The following ZFHX3 variants were observed in gnomAD, a reference collection of about 807,000 sequenced individuals.
ZFHX3 encodes zinc finger homeobox 3, also known as zinc finger homeobox protein 3.
A neutral mutation model predicts 279.1 loss-of-function variants in ZFHX3; 42 were observed. The ratio of observed to expected loss-of-function variants is 0.15; its 90% CI spans 0.12 to 0.19. ZFHX3 has a LOEUF of 0.19. ZFHX3 is among the 10% of genes least tolerant of loss of function. The pLI is 1.00. For missense variants in ZFHX3, 4,981 were observed against 4,754.0 expected (o/e 1.05, Z -1.40); for synonymous variants, 2,293 against 1,957.8 (o/e 1.17, Z -4.52).
chr16:73,729,313 G>A (rs907221040), intron 1 of ZFHX3, among the ~76,000 whole-genome samples: 1 of 152,196 alleles, frequency 6.6e-6, no homozygotes, highest in African/African-American at 2.4e-5. Flanking sequence ...GATCATTTGA[G>A]GTAAGGAGTT....
At chr16:73,108,210 C>T (rs1185952425) in intron 7 of ZFHX3, among the ~76,000 whole-genome samples, 3 of 151,708 alleles carry the variant, frequency 2.0e-5, no homozygotes, top group Non-Finnish European at 2.9e-5. Flanking sequence ...GGTGTGCCCC[C>T]GTGGTCCCAG....
intron 3 of ZFHX3, among the ~76,000 whole-genome samples, chr16:73,351,663 T>C (rs1174629136): frequency 3.3e-5 from 5 of 152,230 alleles, no homozygotes; most frequent in Admixed American, 2.6e-4. Context: ...GATAGGTGAA[T>C]TCAATTTAAG....
chr16:72,898,785 C>T (rs1238719066), intron 3 of ZFHX3, among the ~76,000 whole-genome samples: 2 of 151,206 alleles, frequency 1.3e-5, no homozygotes, highest in African/African-American at 4.9e-5. Context: ...GTGCTTCGCC[C>T]ATAGTAAATG....
chr16:73,703,980 T>G (rs1022420426), intron 1 of ZFHX3, among the ~76,000 whole-genome samples: 6 of 152,190 alleles, frequency 3.9e-5, no homozygotes, highest in African/African-American at 1.4e-4. Flanking sequence ...TACTTCAAAT[T>G]ACTTAGCAGT....
chr16:73,324,158 C>T lies in ZFHX3; in HGVS notation c.-1290-5822G>A, dbSNP rs8182141. On this transcript the variant is annotated intron_variant, in intron 3 of 17. Coordinates refer to the ZFHX3 transcript ENST00000641206. ...AGTGGACCACATGGAGAGGAATGGA[C>T]TCATATTCACAGTTGCAACTGAGTC... Among the ~76,000 whole-genome samples the T allele has an allele frequency of 2.4e-4, 37 of 152,322 alleles. No individual in the cohort carries two copies. In the East Asian group the frequency reaches 3.9e-3, roughly 16 times the overall value.
At chr16:73,636,763 GATAA>G (rs1414172219) in intron 2 of ZFHX3, among the ~76,000 whole-genome samples, 2 of 152,070 alleles carry the variant, frequency 1.3e-5, no homozygotes, top group African/African-American at 2.4e-5. Context: ...GGTTTAAAAA[GATAA>G]ATAGACAAAG....
chr16:73,714,615 GTT>G (rs749494857), intron 1 of ZFHX3, among the ~76,000 whole-genome samples: 7 of 152,314 alleles, frequency 4.6e-5, no homozygotes, highest in South Asian at 4.1e-4. Flanking sequence ...GCACGTGTGT[GTT>G]AACATTTCAA....
At chr16:72,868,144 G>C (rs1459861302) in intron 4 of ZFHX3, among the ~76,000 whole-genome samples, 1 of 152,200 alleles carries the variant, frequency 6.6e-6, no homozygotes, top group Non-Finnish European at 1.5e-5. Flanking sequence ...AGATACATAA[G>C]TAATACATAA....
intron 7 of ZFHX3, among the ~76,000 whole-genome samples, chr16:73,107,137 G>A (rs572529824): frequency 6.6e-6 from 1 of 152,034 alleles, no homozygotes; most frequent in East Asian, 1.9e-4. Flanking sequence ...GCGAAATGCT[G>A]TCTCTACTAA....
Position 72,950,507 on chromosome 16 carries a change from C to A in ZFHX3, c.3178G>T (p.Val1060Phe), listed in dbSNP as rs1253241198. 44 of 1,614,100 alleles carry A rather than the reference C, an allele frequency of 2.7e-5. No homozygotes were observed. Among genetic ancestry groups the A allele is most frequent in the Non-Finnish European group, 3.6e-5 (43 of 1,180,034 alleles). Residue 1060 changes from valine (V) to phenylalanine (F), a missense_variant, in exon 3 of 10, where the codon GTC (valine) becomes TTC (phenylalanine). Transcript: ENST00000268489. ...NSLEKLRLHT[V>F]NSRHEASLKL... ...AGGCTGGCCTCGTGCCTGGAGTTGA[C>A]CGTGTGCAGCCGCAGCTTCTCCAGG...
At chr16:72,947,777 G>C (rs1960772431) in intron 3 of ZFHX3, among the ~76,000 whole-genome samples, 1 of 152,132 alleles carries the variant, frequency 6.6e-6, no homozygotes, top group Non-Finnish European at 1.5e-5. Flanking sequence ...CGGGTCAGCT[G>C]CATCTGGAGC....
intron 3 of ZFHX3, among the ~76,000 whole-genome samples, chr16:72,940,901 T>C (rs1049142354): frequency 2.0e-5 from 3 of 152,274 alleles, no homozygotes; most frequent in South Asian, 2.1e-4. Context: ...TCATTCTTGA[T>C]GATTAGTCCC....
chr16:73,429,123 T>C (rs1037227694), intron 3 of ZFHX3, among the ~76,000 whole-genome samples: 2 of 152,140 alleles, frequency 1.3e-5, no homozygotes, highest in Non-Finnish European at 2.9e-5. Context: ...TTTTCATCTT[T>C]TGTCAATTTT....
intron 5 of ZFHX3, among the ~76,000 whole-genome samples, chr16:73,221,028 A>G (rs2012400952): frequency 6.6e-6 from 1 of 152,158 alleles, no homozygotes; most frequent in South Asian, 2.1e-4. Context: ...AAAGGAATCC[A>G]AAGATTGATC....
intron 3 of ZFHX3, among the ~76,000 whole-genome samples, chr16:72,944,979 A>G (rs1285886843): frequency 6.6e-6 from 1 of 152,198 alleles, no homozygotes; most frequent in Non-Finnish European, 1.5e-5. Context: ...GGCACAACTA[A>G]TAAGATTTCA....
chr16:73,331,826 T>C (rs917984186), intron 3 of ZFHX3, among the ~76,000 whole-genome samples: 42 of 152,290 alleles, frequency 2.8e-4, no homozygotes, highest in Middle Eastern at 3.4e-3. Flanking sequence ...CAATAACTTA[T>C]ATCTGGGGGT....
intron 5 of ZFHX3, chr16:72,829,425 G>A: frequency 1.3e-5 from 3 of 226,052 alleles, no homozygotes; most frequent in Admixed American, 5.0e-5. Flanking sequence ...AATAGAGGAA[G>A]AATGACATCA....
At chr16:73,579,947 A>T (rs917107839) in intron 2 of ZFHX3, among the ~76,000 whole-genome samples, 1 of 147,388 alleles carries the variant, frequency 6.8e-6, no homozygotes, top group South Asian at 2.1e-4. Flanking sequence ...ATTATAATGT[A>T]GAATATAATG....
upstream of ZFHX3, among the ~76,000 whole-genome samples, chr16:73,064,590 G>T (rs558637192): frequency 1.3e-5 from 2 of 152,026 alleles, no homozygotes; most frequent in South Asian, 4.2e-4. Flanking sequence ...ATGGATTGTG[G>T]GTATGTTTCA....
Sources: gnomAD v4.1 joint callset for allele counts (sites outside exome capture counted in the v4.1 genomes callset) on GRCh38, gnomAD v4.1.1 for gene constraint, MANE v1.5 for transcripts, NCBI Gene and HGNC (gene_info 2026-07-23, HGNC 2026-07-21) for gene names.